Variants in FHIT observed in about 807,000 individuals in gnomAD.
The protein encoded by FHIT is bis(5'-adenosyl)-triphosphatase.
A neutral mutation model predicts 17.9 loss-of-function variants in FHIT; 19 were observed. That is an observed-to-expected ratio of 1.06 (90% CI 0.74 to 1.56). The LOEUF (loss-of-function observed/expected upper bound fraction) is 1.56. FHIT is among the 40% of genes most tolerant of loss of function. The pLI, the probability that FHIT is intolerant of heterozygous loss-of-function variation, is 0.00. For missense variants in FHIT, 248 were observed against 189.2 expected, an observed-to-expected ratio of 1.31 and a Z score of -1.82; for synonymous variants, 81 against 69.7, an observed-to-expected ratio of 1.16 and a Z score of -0.81.
chr3:60,699,127 AC>A (rs1553701399), intron 4 of FHIT, among the ~76,000 whole-genome samples: 1 of 152,168 alleles, frequency 6.6e-6, no homozygotes, highest in African/African-American at 2.4e-5. Flanking sequence ...GTAAAATATA[AC>A]TTTTAAGTGA....
At chr3:59,998,647 G>A (rs757887562) in intron 7 of FHIT, among the ~76,000 whole-genome samples, 1 of 152,122 alleles carries the variant, frequency 6.6e-6, no homozygotes, top group Non-Finnish European at 1.5e-5. Context: ...TCTCTGGAAA[G>A]AGCCAGCCAG....
intron 2 of FHIT, among the ~76,000 whole-genome samples, chr3:61,174,643 C>T (rs917297758): frequency 9.2e-5 from 14 of 152,180 alleles, no homozygotes; most frequent in Non-Finnish European, 1.9e-4. Flanking sequence ...TATAGCCAGG[C>T]CAATCTGTGT....
At chr3:61,233,119 T>A (rs1162218878) in intron 1 of FHIT, among the ~76,000 whole-genome samples, 1 of 152,212 alleles carries the variant, frequency 6.6e-6, no homozygotes, top group Non-Finnish European at 1.5e-5. Flanking sequence ...ATTGCTGGTG[T>A]TAGTCACACA....
chr3:60,463,221 T>C (rs767861698), intron 5 of FHIT, among the ~76,000 whole-genome samples: 28 of 152,216 alleles, frequency 1.8e-4, no homozygotes, highest in Non-Finnish European at 3.2e-4. Context: ...TGTTATTTCA[T>C]GTAAATGTTG....
At chr3:60,400,614 C>G (rs1444436203) in intron 5 of FHIT, among the ~76,000 whole-genome samples, 1 of 152,028 alleles carries the variant, frequency 6.6e-6, no homozygotes. Flanking sequence ...CACACAGAAG[C>G]AGGAATCCAG....
intron 5 of FHIT, among the ~76,000 whole-genome samples, chr3:60,291,033 G>A (rs887550793): frequency 7.2e-5 from 11 of 152,132 alleles, no homozygotes; most frequent in African/African-American, 2.2e-4. Context: ...ATCTCCAGAT[G>A]AGACTAAAGC....
At chr3:60,100,279 G>T (rs1486748581) in intron 5 of FHIT, among the ~76,000 whole-genome samples, 1 of 152,068 alleles carries the variant, frequency 6.6e-6, no homozygotes, top group South Asian at 2.1e-4. Flanking sequence ...AGCTACTCGG[G>T]AGGCTGAGAC....
intron 5 of FHIT, among the ~76,000 whole-genome samples, chr3:60,305,336 C>T (rs958782122): frequency 6.6e-6 from 1 of 152,042 alleles, no homozygotes. Flanking sequence ...GTAGTGGGGA[C>T]AAATCATAAA....
chr3:59,900,266 C>T (rs1272721737), intron 8 of FHIT, among the ~76,000 whole-genome samples: 1 of 152,146 alleles, frequency 6.6e-6, no homozygotes, highest in Non-Finnish European at 1.5e-5. Flanking sequence ...GGAGAGTGAG[C>T]CTCTCTTTCC....
At chr3:59,916,215 A>G (rs1559727460) in intron 8 of FHIT, among the ~76,000 whole-genome samples, 2 of 152,134 alleles carry the variant, frequency 1.3e-5, no homozygotes, top group Admixed American at 6.5e-5. Flanking sequence ...TCCGGCCTTC[A>G]TCTTTCCCCT....
intron 5 of FHIT, among the ~76,000 whole-genome samples, chr3:60,272,008 T>C (rs139183840): frequency 8.5e-5 from 13 of 152,328 alleles, no homozygotes; most frequent in African/African-American, 2.9e-4. Context: ...TCCAAGATCA[T>C]AGACTACTAA....
At chr3:61,003,505 T>C (rs940931724) in intron 3 of FHIT, among the ~76,000 whole-genome samples, 1 of 152,238 alleles carries the variant, frequency 6.6e-6, no homozygotes, top group Non-Finnish European at 1.5e-5. Flanking sequence ...TCACTTATAA[T>C]GTCCATTTAG....
chr3:60,875,262 C>G (rs78370287), intron 3 of FHIT, among the ~76,000 whole-genome samples: 4,902 of 152,178 alleles, frequency 0.032, 252 homozygotes, highest in African/African-American at 0.11. Flanking sequence ...TTTTCTGTAC[C>G]ATGTGTGTAG....
At chr3:61,211,458 G>A (rs1158494644) in intron 1 of FHIT, among the ~76,000 whole-genome samples, 4 of 152,182 alleles carry the variant, frequency 2.6e-5, no homozygotes, top group East Asian at 3.9e-4. Context: ...GGGGAGGGGC[G>A]CCCGCCATTG....
intron 3 of FHIT, among the ~76,000 whole-genome samples, chr3:60,917,667 A>T (rs534624679): frequency 6.6e-6 from 1 of 152,316 alleles, no homozygotes; most frequent in Non-Finnish European, 1.5e-5. Context: ...CACTTTATTC[A>T]GGTATGTCCT....
chr3:61,006,489 G>C (rs2031457014), intron 3 of FHIT, among the ~76,000 whole-genome samples: 1 of 151,760 alleles, frequency 6.6e-6, no homozygotes, highest in Non-Finnish European at 1.5e-5. Flanking sequence ...TGGCACTTGA[G>C]ATTTATGTAA....
intron 5 of FHIT, among the ~76,000 whole-genome samples, chr3:60,032,988 G>A (rs780620196): frequency 6.6e-5 from 10 of 151,834 alleles, no homozygotes; most frequent in East Asian, 3.9e-4. Context: ...AGACAAATCC[G>A]TACTATAGAA....
chr3:61,024,557 ACAT>A (rs1263944073), intron 3 of FHIT, among the ~76,000 whole-genome samples: 1 of 152,112 alleles, frequency 6.6e-6, no homozygotes, highest in Non-Finnish European at 1.5e-5. Flanking sequence ...GTTTATTGTT[ACAT>A]TTGTATGTAT....
intron 7 of FHIT, among the ~76,000 whole-genome samples, chr3:59,933,796 C>T (rs1451102168): frequency 6.6e-6 from 1 of 152,084 alleles, no homozygotes; most frequent in Non-Finnish European, 1.5e-5. Flanking sequence ...TAGTTCATGC[C>T]AGGAAATTTT....
Sources: allele counts gnomAD v4.1 joint callset (sites outside exome capture counted in the v4.1 genomes callset), GRCh38; gene constraint gnomAD v4.1.1; transcripts MANE v1.5; gene names NCBI Gene and HGNC (gene_info 2026-07-23, HGNC 2026-07-21).